The following PTGER3 variants were observed in gnomAD, a reference collection of about 807,000 sequenced individuals.
PTGER3 encodes prostaglandin E receptor 3.
In PTGER3, 22 loss-of-function variants were observed where a neutral mutation model predicts 34.7. That is an observed-to-expected ratio of 0.63 (90% CI 0.45 to 0.91). PTGER3 has a LOEUF of 0.91. PTGER3 is among the 40% of genes least tolerant of loss of function. The pLI is 0.00. For missense variants in PTGER3, 468 were observed against 519.4 expected (o/e 0.90, Z 0.96); for synonymous variants, 241 against 230.1 (o/e 1.05, Z -0.43).
At chr1:71,023,513 C>T (rs1265282687) in intron 1 of PTGER3, among the ~76,000 whole-genome samples, 1 of 151,890 alleles carries the variant, frequency 6.6e-6, no homozygotes, top group Non-Finnish European at 1.5e-5. Flanking sequence ...CATTTATGTG[C>T]TATAGGCCAT....
intron 4 of PTGER3, among the ~76,000 whole-genome samples, chr1:70,936,518 A>G (rs568562461): frequency 2.0e-5 from 3 of 152,328 alleles, no homozygotes; most frequent in African/African-American, 7.2e-5. Flanking sequence ...GATACTTTAC[A>G]TAGTGAAGAA....
chr1:71,012,525 G>A, intron 1 of PTGER3, 41 bp from the exon 2 acceptor site: 1 of 1,547,954 alleles, frequency 6.5e-7, no homozygotes, highest in South Asian at 1.1e-5. Flanking sequence ...AGATTAGTAA[G>A]GTCATATGCA....
intron 1 of PTGER3, among the ~76,000 whole-genome samples, chr1:71,038,783 T>A (rs111474078): frequency 2.2e-4 from 34 of 152,190 alleles, no homozygotes; most frequent in African/African-American, 8.0e-4. Flanking sequence ...TCACACACTT[T>A]GGTCTGACTT....
chr1:71,011,560 G>A (rs931264847), intron 2 of PTGER3: 1 of 984,804 alleles, frequency 1.0e-6, no homozygotes, highest in African/African-American at 1.7e-5. Context: ...AGCAATTTGG[G>A]TAGTCACAAA....
chr1:70,900,314 G>C (rs1375833061), intron 4 of PTGER3, among the ~76,000 whole-genome samples: 3 of 152,066 alleles, frequency 2.0e-5, no homozygotes, highest in African/African-American at 7.2e-5. Context: ...TGGAGTTGGG[G>C]GGAAGGGGTG....
At chr1:70,911,709 A>G (rs1344354501) in intron 4 of PTGER3, among the ~76,000 whole-genome samples, 1 of 152,190 alleles carries the variant, frequency 6.6e-6, no homozygotes, top group Admixed American at 6.5e-5. Flanking sequence ...TTAAAAGCTT[A>G]GACAAGGTTA....
At chr1:71,027,256 T>A (rs1359385380) in intron 1 of PTGER3, among the ~76,000 whole-genome samples, 1 of 152,084 alleles carries the variant, frequency 6.6e-6, no homozygotes, top group Non-Finnish European at 1.5e-5. Context: ...TAGCCTCAAA[T>A]TCCTGGGTTC....
chr1:71,030,224 G>A (rs1659290872), intron 1 of PTGER3, among the ~76,000 whole-genome samples: 1 of 152,104 alleles, frequency 6.6e-6, no homozygotes, highest in East Asian at 1.9e-4. Flanking sequence ...CTTTTAATCT[G>A]GGTGAGAGGC....
intron 4 of PTGER3, among the ~76,000 whole-genome samples, chr1:70,903,761 C>G (rs17541597): frequency 0.3 from 45,524 of 151,950 alleles, 7,067 homozygotes; most frequent in South Asian, 0.45. Context: ...ATCACAATTA[C>G]GGTATTCTAA....
In PTGER3 at chr1:70,960,695, A is replaced by G. The variant is rs1011500169; in HGVS notation, c.1078-6906T>C. 9.2e-5 allele frequency among the ~76,000 whole-genome samples: 14 copies of G among 152,104 alleles called. 1 individual carries two copies. Among genetic ancestry groups the G allele is most frequent in the Admixed American group, 9.2e-4 (14 of 15,276 alleles). On this transcript the variant is annotated intron_variant, in intron 2 of 3. Transcript: ENST00000356595. ...ATCCTTGCTATCAAGCAGAAAGGGG[A>G]TTGGCCTTGATCAGTGGGAAAGTTA...
At chr1:70,907,013 G>A (rs1340417170) in intron 4 of PTGER3, among the ~76,000 whole-genome samples, 1 of 152,152 alleles carries the variant, frequency 6.6e-6, no homozygotes, top group Non-Finnish European at 1.5e-5. Context: ...GTGCCTCAGG[G>A]AAGTGCCAAG....
chr1:70,862,183 CT>C (rs1020550862), intron 4 of PTGER3: 46 of 481,058 alleles, frequency 9.6e-5, no homozygotes, highest in African/African-American at 7.9e-4. Context: ...ATTAGCACCT[CT>C]TTTTTTCACC....
intron 3 of PTGER3, chr1:70,953,096 T>TA: frequency 1.3e-6 from 2 of 1,504,506 alleles, no homozygotes; most frequent in South Asian, 1.3e-5. Context: ...AAGAAAATAA[T>TA]AAAAAATAAC....
chr1:71,012,614 A>T, intron 1 of PTGER3, 130 bp from the exon 2 acceptor site: 1 of 751,606 alleles, frequency 1.3e-6, no homozygotes. Context: ...TTCAAGCAAC[A>T]TTTATACTTG....
intron 2 of PTGER3, among the ~76,000 whole-genome samples, chr1:70,962,323 C>A (rs1652013403): frequency 1.3e-5 from 2 of 152,170 alleles, no homozygotes; most frequent in Admixed American, 6.5e-5. Flanking sequence ...AAGGTTACAA[C>A]AATCATCCTT....
intron 2 of PTGER3, among the ~76,000 whole-genome samples, chr1:70,991,686 TC>T (rs1655495848): frequency 1.3e-5 from 2 of 152,166 alleles, no homozygotes; most frequent in South Asian, 4.1e-4. Flanking sequence ...CCCAGGTTTT[TC>T]CAAAGAAATC....
chr1:70,949,355 G>C (rs535841791), downstream of PTGER3, among the ~76,000 whole-genome samples: 3 of 152,144 alleles, frequency 2.0e-5, no homozygotes, highest in African/African-American at 7.2e-5. Flanking sequence ...GTTGTCCAAA[G>C]GGATTAAGCT....
Position 71,042,591 on chromosome 1 carries a change from A to G in PTGER3, c.897+4090T>C, listed in dbSNP as rs182743482. On this transcript the variant is annotated intron_variant, in intron 1 of 3. Transcript: ENST00000306666. ...ACAATGTGGATTCATATGTTTAATC[A>G]CTTTCTCTGAAGCAACATCCTGAAT... Among the ~76,000 whole-genome samples the G allele has an allele frequency of 2.0e-5, 3 of 152,276 alleles. No individual in the cohort carries two copies. In the East Asian group the frequency reaches 5.8e-4, roughly 29 times the overall value.
At chr1:70,939,260 C>T (rs961257432) in intron 4 of PTGER3, among the ~76,000 whole-genome samples, 1 of 152,194 alleles carries the variant, frequency 6.6e-6, no homozygotes, top group African/African-American at 2.4e-5. Context: ...GGTAAGTTCC[C>T]ATGGTCTTGG....
Sources: gnomAD v4.1 joint callset for allele counts (sites outside exome capture counted in the v4.1 genomes callset) on GRCh38, gnomAD v4.1.1 for gene constraint, MANE v1.5 for transcripts, NCBI Gene and HGNC (gene_info 2026-07-23, HGNC 2026-07-21) for gene names.